The following PISD variants were observed in gnomAD, a reference collection of about 807,000 sequenced individuals.
PISD encodes the protein phosphatidylserine decarboxylase.
PISD carries 31 observed loss-of-function variants against 43.5 expected under a neutral mutation model. That is an observed-to-expected ratio of 0.71 (90% CI 0.54 to 0.96). The LOEUF is 0.96. Among genes scored for constraint, PISD ranks in the 40% least tolerant of loss-of-function variants. The pLI is 0.00. For synonymous variants in PISD, 259 were observed against 228.7 expected (o/e 1.13, Z -1.20); for missense variants, 523 against 548.4 (o/e 0.95, Z 0.46).
intron 3 of PISD, among the ~76,000 whole-genome samples, chr22:31,635,161 C>T (rs1293398776): frequency 5.1e-5 from 7 of 138,352 alleles, no homozygotes; most frequent in African/African-American, 1.1e-4. Flanking sequence ...AGTAAAACTC[C>T]GTCTCAAAAA....
chr22:31,649,215 CTCAA>C (rs1456000369), intron 2 of PISD, among the ~76,000 whole-genome samples: 1 of 151,514 alleles, frequency 6.6e-6, no homozygotes, highest in Non-Finnish European at 1.5e-5. Context: ...GTGAGACTCT[CTCAA>C]TCAATCAATC....
Position 31,637,159 on chromosome 22 carries a change from AAAAAAATATATATATATATATATAT to A in PISD, c.321+10917_321+10941del, listed in dbSNP as rs1387211300. Among the ~76,000 whole-genome samples the A allele has an allele frequency of 9.2e-3, 256 of 27,712 alleles. 10 individuals carry two copies. The highest frequency in any genetic ancestry group is 0.038 in the Middle Eastern group (2 of 52). The allele number at this position is 27,712 out of a possible 152,430, so 18.2% of individuals were successfully genotyped here. On this transcript the variant is annotated intron_variant, in intron 3 of 7. Coordinates refer to ENST00000439502, the MANE Select transcript of PISD (RefSeq NM_001326411.2). ...TAAATAAATTAAAAAAAAAAAAAAAAAAAAAATATATATATATATATATATATATATATATATATATATATATAGA... is the reference window on the plus strand; with the variant it reads ...TAAATAAATTAAAAAAAAAAAAAAAAATATATATATATATATATATATAGA...
rs61010566 is a variant in PISD at position 31,637,164 on chromosome 22, AATATATATATATATATATAT to A, written c.321+10917_321+10936del. Among the ~76,000 whole-genome samples the A allele has an allele frequency of 7.9e-3, 108 of 13,650 alleles. 1 individual carries two copies. Among genetic ancestry groups the A allele is most frequent in the African/African-American group, 0.032 (103 of 3,216 alleles). 9.0% of individuals were successfully genotyped at this position (13,650 alleles called of 152,430 possible). On this transcript the variant is annotated intron_variant, in intron 3 of 7. Coordinates refer to ENST00000439502, the MANE Select transcript of PISD (RefSeq NM_001326411.2). ...AAATTAAAAAAAAAAAAAAAAAAAA[AATATATATATATATATATAT>A]ATATATATATATATATATATATAGA...
intron 3 of PISD, among the ~76,000 whole-genome samples, chr22:31,634,133 C>T (rs2073322644): frequency 6.6e-6 from 1 of 152,214 alleles, no homozygotes; most frequent in African/African-American, 2.4e-5. Flanking sequence ...AGGGGATGCC[C>T]TGTGCCAGGG....
rs142356234 is a variant in PISD at position 31,626,333 on chromosome 22, T to TCCAGGC, written c.322-4454_322-4449dup. The TCCAGGC allele has an allele frequency of 6.8e-4, 106 of 156,246 alleles. No individual in the cohort carries two copies. In the East Asian group the frequency reaches 0.016, roughly 24 times the overall value. The allele number at this position is 156,246 out of a possible 1,614,324, so 9.7% of individuals were successfully genotyped here. A position where few individuals can be genotyped will look rare whatever the true frequency, so the allele number is the denominator to read the frequency against. On this transcript the variant is annotated intron_variant, in intron 3 of 7. Transcript: ENST00000439502. ...CAAAGTGGGAACTTGAGCCCCGTGCTCCAGGCCCAGGCCCAGCACCGCGTC... is the reference window on the plus strand; with the variant it reads ...CAAAGTGGGAACTTGAGCCCCGTGCTCCAGGCCCAGGCCCAGGCCCAGCACCGCGTC...
In PISD at chr22:31,630,751, A is replaced by C. The variant is rs2147693800; in HGVS notation, c.322-8866T>G. On this transcript the variant is annotated intron_variant, in intron 3 of 7. Transcript: ENST00000439502. The surrounding 1 kb of genome is among the most constrained non-coding windows in gnomAD (Gnocchi z 4.4). ...GCGGGCAGGGTGGGGCGCCTCCCTG[A>C]GAAGTCACCTGGGGCTCCCGGCAGG... 1.0e-6 allele frequency: 1 copy of C among 985,560 alleles called. No homozygotes were observed. Among genetic ancestry groups the C allele is most frequent in the Non-Finnish European group, 1.2e-6 (1 of 830,032 alleles). 61.1% of individuals were successfully genotyped at this position (985,560 alleles called of 1,614,324 possible).
chr22:31,648,322 G>A (rs950445772), intron 2 of PISD, 46 bp from the exon 3 acceptor site: 2 of 1,520,910 alleles, frequency 1.3e-6, no homozygotes, highest in Admixed American at 3.9e-5. Flanking sequence ...GACAGGAATA[G>A]GGAAGAGTCA....
chr22:31,622,589 G>C lies in PISD; in HGVS notation c.322-704C>G, dbSNP rs563741547. On this transcript the variant is annotated intron_variant, in intron 3 of 7. Transcript: ENST00000439502. ...CCCCACGGCAGGACTTGTGTTCAACGTTCTACTGTGACTGAGCCAGGCCAT... is the reference window on the plus strand; with the variant it reads ...CCCCACGGCAGGACTTGTGTTCAACCTTCTACTGTGACTGAGCCAGGCCAT... Among the ~76,000 whole-genome samples the C allele has an allele frequency of 2.6e-5, 4 of 151,008 alleles. No individual in the cohort carries two copies. The East Asian group carries it at 7.7e-4, about 29-fold the overall frequency.
At chr22:31,644,865 C>A (rs1297016146) in intron 3 of PISD, among the ~76,000 whole-genome samples, 1 of 152,284 alleles carries the variant, frequency 6.6e-6, no homozygotes, top group Admixed American at 6.5e-5. Context: ...TGGCTCACGC[C>A]TGTAATCCTA....
rs566973313 is a variant in PISD at position 31,635,719 on chromosome 22, G to A, written c.321+12382C>T. Among the ~76,000 whole-genome samples the A allele has an allele frequency of 4.6e-5, 7 of 152,256 alleles. No homozygotes were observed. The East Asian group carries it at 7.7e-4, about 17-fold the overall frequency. On this transcript the variant is annotated intron_variant, in intron 3 of 7. Coordinates refer to ENST00000439502, the MANE Select transcript of PISD (RefSeq NM_001326411.2). Reference sequence around the variant, plus strand: ...TGGGGGCATGGCTGTATGAGCCACCGTTCCGCCCTCTGCGATCTCCTCCTG... The same window carrying A: ...TGGGGGCATGGCTGTATGAGCCACCATTCCGCCCTCTGCGATCTCCTCCTG...
intron 1 of PISD, among the ~76,000 whole-genome samples, chr22:31,656,944 CT>C (rs529731351): frequency 7.0e-4 from 106 of 152,188 alleles, no homozygotes; most frequent in East Asian, 4.1e-3. Context: ...AGAGTTGGCC[CT>C]CTTGAACACT....
chr22:31,632,859 G>C (rs1209245840), intron 3 of PISD, among the ~76,000 whole-genome samples: 1 of 152,192 alleles, frequency 6.6e-6, no homozygotes, highest in African/African-American at 2.4e-5. Flanking sequence ...TGATGTTTTT[G>C]TGGTCAGAAA....
intron 1 of PISD, among the ~76,000 whole-genome samples, chr22:31,654,130 C>T (rs1233291539): frequency 6.6e-6 from 1 of 152,210 alleles, no homozygotes; most frequent in Admixed American, 6.5e-5. Flanking sequence ...AGGTCACCAA[C>T]AACCTGCATG....
At chr22:31,655,625 C>T (rs1037930697) in intron 1 of PISD, among the ~76,000 whole-genome samples, 12 of 150,800 alleles carry the variant, frequency 8.0e-5, no homozygotes, top group Admixed American at 7.3e-4. Flanking sequence ...GGCCAGGACT[C>T]GTTTTTGTTT....
In PISD at chr22:31,620,609, A is replaced by C. The variant is rs1362656040; in HGVS notation, c.949T>G (p.Ser317Ala). The C allele has an allele frequency of 6.2e-7, 1 of 1,614,178 alleles. No homozygotes were observed. The highest frequency in any genetic ancestry group is 8.5e-7 in the Non-Finnish European group (1 of 1,180,018). Residue 317 changes from serine to alanine, a missense_variant, in exon 7 of 8, where the codon TCA (serine) becomes GCA (alanine). Coordinates refer to ENST00000439502, the MANE Select transcript of PISD (RefSeq NM_001326411.2). Reference protein sequence around the residue: ...LTGDWKHGFFSLTAVGATNVG... With the variant: ...LTGDWKHGFFALTAVGATNVG... ...TTGGTGGCCCCCACAGCTGTCAGTGAGAAGAAGCCATGTTTCCAGTCCCCC... is the reference window on the plus strand; with the variant it reads ...TTGGTGGCCCCCACAGCTGTCAGTGCGAAGAAGCCATGTTTCCAGTCCCCC...
chr22:31,650,113 A>G (rs892513811), intron 2 of PISD, among the ~76,000 whole-genome samples: 5 of 152,238 alleles, frequency 3.3e-5, no homozygotes, highest in Non-Finnish European at 5.9e-5. Flanking sequence ...CAACATTATT[A>G]GTAATCAGGG....
At chr22:31,651,092 T>C (rs1395012456) in intron 1 of PISD, among the ~76,000 whole-genome samples, 1 of 152,102 alleles carries the variant, frequency 6.6e-6, no homozygotes, top group Non-Finnish European at 1.5e-5. Flanking sequence ...GCCTCCCTAG[T>C]AGCTGGGATT....
chr22:31,635,225 T>C (rs2073390300), intron 3 of PISD, among the ~76,000 whole-genome samples: 1 of 151,080 alleles, frequency 6.6e-6, no homozygotes, highest in Non-Finnish European at 1.5e-5. Context: ...GGCAGACAGC[T>C]TCATGCAGGG....
chr22:31,618,559 A>G lies in PISD; in HGVS notation c.*1053T>C, dbSNP rs1603389099. 1.2e-6 allele frequency: 1 copy of G among 829,498 alleles called. No homozygotes were observed. The highest frequency in any genetic ancestry group is 1.7e-6 in the Non-Finnish European group (1 of 579,750). The allele number at this position is 829,498 out of a possible 1,614,324, so 51.4% of individuals were successfully genotyped here. A position where few individuals can be genotyped will look rare whatever the true frequency, so the allele number is the denominator to read the frequency against. On this transcript the variant is annotated 3_prime_UTR_variant, in exon 8 of 8. Transcript: ENST00000439502. ...ATGAATTACTGTTCAGAAGTCTCCC[A>G]CTTTTCATACAAAAATACTGTGCTA...
Sources: allele counts gnomAD v4.1 joint callset (sites outside exome capture counted in the v4.1 genomes callset), GRCh38; gene constraint gnomAD v4.1.1; non-coding constraint Gnocchi (gnomAD v3.1); transcripts MANE v1.5; gene names NCBI Gene and HGNC (gene_info 2026-07-23, HGNC 2026-07-21).